The following MARCHF8 variants were observed in gnomAD, a reference collection of about 807,000 sequenced individuals.
MARCHF8 encodes the protein membrane associated ring-CH-type finger 8, also known as E3 ubiquitin-protein ligase MARCHF8.
In MARCHF8, 40 loss-of-function variants were observed where a neutral mutation model predicts 51.6. That is an observed-to-expected ratio of 0.77 (90% CI 0.60 to 1.01). MARCHF8 has a LOEUF of 1.01. Among genes scored for constraint, MARCHF8 ranks in the 50% least tolerant of loss-of-function variants. The pLI is 0.00. For missense variants in MARCHF8, 685 were observed against 708.6 expected (o/e 0.97, Z 0.38); for synonymous variants, 263 against 280.3 (o/e 0.94, Z 0.62).
At chr10:45,535,456 T>C (rs2043958665), upstream of MARCHF8, 1 of 152,220 alleles carries the variant, frequency 6.6e-6, no homozygotes, top group African/African-American at 2.4e-5. Flanking sequence ...AGAAGGGCTA[T>C]TTATGGCACA....
chr10:45,493,040 T>C (rs1329118411), intron 2 of MARCHF8, among the ~76,000 whole-genome samples: 1 of 152,224 alleles, frequency 6.6e-6, no homozygotes, highest in African/African-American at 2.4e-5. Context: ...ACGCTCAACG[T>C]GTATTACCAC....
intron 1 of MARCHF8, among the ~76,000 whole-genome samples, chr10:45,542,345 C>CAAAGA (rs2044065778): frequency 2.0e-5 from 1 of 48,982 alleles, no homozygotes; most frequent in Non-Finnish European, 3.9e-5. Context: ...GACTTCGTCT[C>CAAAGA]AAAAAAAAAA....
intron 2 of MARCHF8, among the ~76,000 whole-genome samples, chr10:45,527,161 C>T (rs1012338629): frequency 1.3e-5 from 2 of 151,916 alleles, no homozygotes; most frequent in Admixed American, 6.6e-5. Context: ...AAGTTTATAG[C>T]GTTAAATGCC....
chr10:45,559,451 TC>T (rs1405333415), intron 1 of MARCHF8, among the ~76,000 whole-genome samples: 1 of 152,210 alleles, frequency 6.6e-6, no homozygotes, highest in Non-Finnish European at 1.5e-5. Flanking sequence ...AACCTCTGCC[TC>T]CCAGGTTCAA....
intron 2 of MARCHF8, among the ~76,000 whole-genome samples, chr10:45,507,198 C>G (rs1161639640): frequency 6.6e-6 from 1 of 151,828 alleles, no homozygotes; most frequent in East Asian, 1.9e-4. Flanking sequence ...CAGGCAGGTA[C>G]AACACTACGT....
chr10:45,495,677 A>G (rs577361758), intron 2 of MARCHF8, among the ~76,000 whole-genome samples: 1 of 148,278 alleles, frequency 6.7e-6, no homozygotes, highest in South Asian at 2.2e-4. Flanking sequence ...GGCCATGAAG[A>G]AGAGGAAAAG....
chr10:45,584,013 A>G (rs2044585559), intron 1 of MARCHF8, among the ~76,000 whole-genome samples: 4 of 147,244 alleles, frequency 2.7e-5, no homozygotes, highest in Non-Finnish European at 4.5e-5. Context: ...TTCCAAAAAA[A>G]AAAAAAAAAA....
intron 5 of MARCHF8, 68 bp downstream of exon 5, chr10:45,463,083 T>C (rs1416004944): frequency 1.2e-5 from 18 of 1,477,118 alleles, no homozygotes; most frequent in Non-Finnish European, 1.5e-5. Context: ...AAACTTCACA[T>C]ACTAAAGCAA....
At chr10:45,512,393 G>A in intron 2 of MARCHF8, among the ~76,000 whole-genome samples, 1 of 150,138 alleles carries the variant, frequency 6.7e-6, no homozygotes, top group South Asian at 2.1e-4. Flanking sequence ...CCAGGAGGGA[G>A]GTCGGGGGGT....
intron 2 of MARCHF8, among the ~76,000 whole-genome samples, chr10:45,528,559 A>T (rs1393417089): frequency 6.6e-6 from 1 of 152,188 alleles, no homozygotes; most frequent in Non-Finnish European, 1.5e-5. Flanking sequence ...TCCTGGGCTC[A>T]AGTGATCCTC....
rs1164915312 is a variant in MARCHF8 at position 45,488,933 on chromosome 10, G to T, written c.153+434C>A. On this transcript the variant is annotated intron_variant, in intron 3 of 7. Transcript: ENST00000453424. ...CACAGTGGCACCCCGAACAGCCACAGAATCGGGTGCACTACAATCTGTGAT... is the reference window on the plus strand; with the variant it reads ...CACAGTGGCACCCCGAACAGCCACATAATCGGGTGCACTACAATCTGTGAT... 3.9e-5 allele frequency among the ~76,000 whole-genome samples: 6 copies of T among 152,328 alleles called. No homozygotes were observed. The East Asian group carries it at 1.2e-3, about 29-fold the overall frequency.
At chr10:45,521,431 G>A (rs956398704) in intron 2 of MARCHF8, among the ~76,000 whole-genome samples, 45 of 152,170 alleles carry the variant, frequency 3.0e-4, no homozygotes, top group Non-Finnish European at 4.1e-4. Context: ...CTTCAGAGTC[G>A]AAAACTAGCT....
chr10:45,575,604 G>A (rs1265334173), intron 1 of MARCHF8, among the ~76,000 whole-genome samples: 5 of 151,776 alleles, frequency 3.3e-5, no homozygotes, highest in Non-Finnish European at 5.9e-5. Flanking sequence ...GAGAAACATC[G>A]CCCATTATCT....
At chr10:45,529,764 T>C (rs1473783961) in intron 2 of MARCHF8, among the ~76,000 whole-genome samples, 1 of 152,212 alleles carries the variant, frequency 6.6e-6, no homozygotes, top group Non-Finnish European at 1.5e-5. Flanking sequence ...GAATGGCTAT[T>C]ACTCAGGTGT....
At chr10:45,568,389 A>T (rs980040138) in intron 1 of MARCHF8, among the ~76,000 whole-genome samples, 1 of 152,076 alleles carries the variant, frequency 6.6e-6, no homozygotes, top group African/African-American at 2.4e-5. Context: ...GTTTCCCTGG[A>T]CCACACTGGA....
intron 1 of MARCHF8, among the ~76,000 whole-genome samples, chr10:45,585,998 C>T (rs1218518722): frequency 1.3e-5 from 2 of 152,034 alleles, no homozygotes; most frequent in Non-Finnish European, 2.9e-5. Flanking sequence ...AGTATATATA[C>T]ACATAGGTAT....
chr10:45,463,975 C>T lies in MARCHF8; in HGVS notation c.264G>A (p.Glu88=). Reference sequence around the variant, plus strand: ...ACTGCACGGAACTGTGGTGACAACACTCAGAAAACACTGCACTGGAACTGC... The same window carrying T: ...ACTGCACGGAACTGTGGTGACAACATTCAGAAAACACTGCACTGGAACTGC... The part of the protein sequence containing the change: ...DICSSSAVFS[E]CCHHSSVQSA... Residue 88 remains glutamate (E), a synonymous_variant, in exon 5 of 8, where the codon GAG becomes GAA. Transcript: ENST00000453424. The T allele has an allele frequency of 6.5e-7, 1 of 1,535,318 alleles. No individual in the cohort carries two copies. Among genetic ancestry groups the T allele is most frequent in the Non-Finnish European group, 8.7e-7 (1 of 1,146,684 alleles).
intron 2 of MARCHF8, among the ~76,000 whole-genome samples, chr10:45,509,509 A>G (rs1198549705): frequency 1.3e-5 from 2 of 152,230 alleles, no homozygotes; most frequent in Admixed American, 6.5e-5. Context: ...CATAGATTAA[A>G]TAAGAATCTG....
intron 3 of MARCHF8, among the ~76,000 whole-genome samples, chr10:45,469,843 C>T (rs1382636345): frequency 2.8e-5 from 3 of 105,754 alleles, no homozygotes; most frequent in African/African-American, 7.5e-5. Context: ...CCAGCCTGGG[C>T]GACAGAGTGA....
Sources: gnomAD v4.1 joint callset for allele counts (sites outside exome capture counted in the v4.1 genomes callset) on GRCh38, gnomAD v4.1.1 for gene constraint, MANE v1.5 for transcripts, NCBI Gene and HGNC (gene_info 2026-07-23, HGNC 2026-07-21) for gene names.